Variants in FMNL2 observed in about 807,000 individuals in gnomAD.
FMNL2 encodes the protein formin-like protein 2.
In FMNL2, 51 loss-of-function variants were observed where a neutral mutation model predicts 130.2. The ratio of observed to expected loss-of-function variants is 0.39; its 90% confidence interval spans 0.31 to 0.49. The LOEUF (loss-of-function observed/expected upper bound fraction) is 0.49, where lower values mean the gene tolerates loss of function less well. FMNL2 is among the 20% of genes least tolerant of loss of function. The probability of loss-of-function intolerance (pLI) is 0.85; values close to 1 mark genes in which losing one functional copy is unlikely to be tolerated. For missense variants in FMNL2, 977 were observed against 1,316.2 expected, an observed-to-expected ratio of 0.74 and a Z score of 3.99; for synonymous variants, 465 against 467.1, an observed-to-expected ratio of 1.00 and a Z score of 0.06.
chr2:152,580,943 C>G lies in FMNL2; in HGVS notation c.783-13C>G, dbSNP rs1696745229. ...TTCACTGATTTGTGTTTTTCTTCTTCTTGTTTTGGCAGAACAAAAGCCCTT... is the reference window on the plus strand; with the variant it reads ...TTCACTGATTTGTGTTTTTCTTCTTGTTGTTTTGGCAGAACAAAAGCCCTT... On this transcript the variant is annotated splice_polypyrimidine_tract_variant and intron_variant, in intron 8 of 25. Coordinates refer to ENST00000288670, the MANE Select transcript of FMNL2 (RefSeq NM_052905.4). 5 of 1,611,112 alleles carry G rather than the reference C, an allele frequency of 3.1e-6. No individual in the cohort carries two copies. In the East Asian group the frequency reaches 1.1e-4, roughly 36 times the overall value.
chr2:152,592,986 C>G (rs1697519315), intron 9 of FMNL2, among the ~76,000 whole-genome samples: 1 of 152,046 alleles, frequency 6.6e-6, no homozygotes. Flanking sequence ...GTACAGGGCC[C>G]AGTGGGAGAA....
intron 25 of FMNL2, chr2:152,645,488 T>C (rs1180413097): frequency 7.8e-7 from 1 of 1,290,252 alleles, no homozygotes; most frequent in East Asian, 5.5e-5. Flanking sequence ...AGGGTAAGGA[T>C]TTCTTCTAGC....
chr2:152,581,646 A>C (rs572725749), intron 9 of FMNL2, among the ~76,000 whole-genome samples: 3 of 152,190 alleles, frequency 2.0e-5, no homozygotes, highest in Non-Finnish European at 4.4e-5. Context: ...GCCCTGCCCC[A>C]GTGTATCCAA....
At chr2:152,492,444 A>C (rs952753777) in intron 1 of FMNL2, among the ~76,000 whole-genome samples, 39 of 152,210 alleles carry the variant, frequency 2.6e-4, no homozygotes, top group African/African-American at 9.2e-4. Context: ...TTGTCAACTC[A>C]GTTCTCAATA....
chr2:152,502,594 C>A (rs1028528224), intron 1 of FMNL2, among the ~76,000 whole-genome samples: 1 of 152,058 alleles, frequency 6.6e-6, no homozygotes. Context: ...GGCTGAGGCA[C>A]GAGAATTGCT....
intron 1 of FMNL2, among the ~76,000 whole-genome samples, chr2:152,518,987 T>G (rs1202216121): frequency 6.6e-6 from 1 of 152,202 alleles, no homozygotes; most frequent in Non-Finnish European, 1.5e-5. Flanking sequence ...GACTCACATT[T>G]CCAACTTCAT....
intron 8 of FMNL2, among the ~76,000 whole-genome samples, 180 bp from the exon 9 acceptor site, chr2:152,580,776 A>G (rs1001664134): frequency 2.2e-4 from 33 of 152,338 alleles, no homozygotes; most frequent in African/African-American, 7.0e-4. Flanking sequence ...TCTTAGACAA[A>G]TCACATATGT....
rs1171486452 is a variant in FMNL2 at position 152,648,284 on chromosome 2, CT to C, written c.*382del. The C allele has an allele frequency of 1.1e-5, 2 of 175,952 alleles. No homozygotes were observed. The highest frequency in any genetic ancestry group is 4.7e-5 in the African/African-American group (2 of 42,202). 10.9% of individuals were successfully genotyped at this position (175,952 alleles called of 1,614,324 possible). A position where few individuals can be genotyped will look rare whatever the true frequency, so the allele number is the denominator to read the frequency against. On this transcript the variant is annotated 3_prime_UTR_variant, in exon 26 of 26. Coordinates refer to ENST00000288670, the MANE Select transcript of FMNL2 (RefSeq NM_052905.4). Reference sequence around the variant, plus strand: ...AACATCAATGCATCTGCTGTGGGTCCTTTGCTGAGATGTCTTCGAAGGAATT... The same window carrying C: ...AACATCAATGCATCTGCTGTGGGTCCTTGCTGAGATGTCTTCGAAGGAATT...
chr2:152,607,985 C>T (rs727327), intron 10 of FMNL2, among the ~76,000 whole-genome samples: 30,219 of 151,954 alleles, frequency 0.2, 3,273 homozygotes, highest in Non-Finnish European at 0.25. Context: ...CAAGAACATG[C>T]GGTTCCACAG....
intron 1 of FMNL2, among the ~76,000 whole-genome samples, chr2:152,479,964 T>A (rs774624184): frequency 2.1e-4 from 32 of 152,202 alleles, no homozygotes; most frequent in Admixed American, 4.6e-4. Flanking sequence ...TTTACAGGTA[T>A]TGGCCTTGGC....
rs768393794 is a variant in FMNL2 at position 152,335,595 on chromosome 2, G to T, written c.-9G>T. The T allele has an allele frequency of 1.9e-6, 3 of 1,580,876 alleles. No individual in the cohort carries two copies. Among genetic ancestry groups the T allele is most frequent in the Non-Finnish European group, 2.6e-6 (3 of 1,163,486 alleles). ...CCGGAGCAGCCCCCGGCCCCGGCGC[G>T]CCGCCGACATGGGCAACGCAGGGAG... On this transcript the variant is annotated 5_prime_UTR_variant, in exon 1 of 26. Coordinates refer to ENST00000288670, the MANE Select transcript of FMNL2 (RefSeq NM_052905.4).
chr2:152,540,001 G>A (rs1449541555), intron 2 of FMNL2, among the ~76,000 whole-genome samples: 1 of 152,154 alleles, frequency 6.6e-6, no homozygotes, highest in Non-Finnish European at 1.5e-5. Flanking sequence ...GAATTAGGAG[G>A]ATTGCTTGAA....
chr2:152,466,094 G>C (rs1354683192), intron 1 of FMNL2, among the ~76,000 whole-genome samples: 1 of 152,224 alleles, frequency 6.6e-6, no homozygotes, highest in Non-Finnish European at 1.5e-5. Context: ...TCTGAGCCAT[G>C]GTTTCCTAAC....
chr2:152,428,596 C>T (rs148700360), intron 1 of FMNL2, among the ~76,000 whole-genome samples: 29 of 152,306 alleles, frequency 1.9e-4, no homozygotes, highest in African/African-American at 7.0e-4. Flanking sequence ...TTTTTAAGGA[C>T]TCTCTTTTAA....
At chr2:152,428,537 T>G (rs1687308127) in intron 1 of FMNL2, among the ~76,000 whole-genome samples, 1 of 152,240 alleles carries the variant, frequency 6.6e-6, no homozygotes, top group Non-Finnish European at 1.5e-5. Flanking sequence ...TTGCATAATT[T>G]AAGAGCCTTT....
chr2:152,631,614 G>A (rs1349472031), intron 20 of FMNL2, among the ~76,000 whole-genome samples: 4 of 152,156 alleles, frequency 2.6e-5, no homozygotes, highest in African/African-American at 9.6e-5. Context: ...TCAGAGTGGT[G>A]CGCAATTCAA....
At chr2:152,432,379 T>C (rs938031674) in intron 1 of FMNL2, among the ~76,000 whole-genome samples, 2 of 152,220 alleles carry the variant, frequency 1.3e-5, no homozygotes, top group Non-Finnish European at 2.9e-5. Context: ...GAAAGAATCA[T>C]GCCAGTTTTC....
intron 9 of FMNL2, among the ~76,000 whole-genome samples, chr2:152,589,961 ATATATATATATATATATATATATG>A (rs1392075797): frequency 8.4e-5 from 4 of 47,422 alleles, no homozygotes; most frequent in Admixed American, 1.7e-4. Flanking sequence ...ATATATATAT[ATATATATATATATATATATATATG>A]TATATGTATA....
At chr2:152,606,324 C>T (rs1559002312) in intron 9 of FMNL2, among the ~76,000 whole-genome samples, 1 of 152,200 alleles carries the variant, frequency 6.6e-6, no homozygotes, top group Non-Finnish European at 1.5e-5. Context: ...GAAATATTTT[C>T]TGAAGGTGAA....
Sources: gnomAD v4.1 joint callset for allele counts (sites outside exome capture counted in the v4.1 genomes callset) on GRCh38, gnomAD v4.1.1 for gene constraint, MANE v1.5 for transcripts, NCBI Gene and HGNC (gene_info 2026-07-23, HGNC 2026-07-21) for gene names.